TNKS: variants seen among roughly 807,000 people sequenced by gnomAD.
TNKS encodes the protein poly [ADP-ribose] polymerase tankyrase-1.
In TNKS, 72 loss-of-function variants were observed where a neutral mutation model predicts 135.8. The ratio of observed to expected loss-of-function variants is 0.53; its 90% CI spans 0.44 to 0.64. TNKS has a LOEUF of 0.64. Ranked by LOEUF, TNKS falls within the 30% of genes least tolerant of loss-of-function variation. The probability of loss-of-function intolerance (pLI) is 0.00; values close to 1 mark genes in which losing one functional copy is unlikely to be tolerated. For synonymous variants in TNKS, 849 were observed against 649.3 expected (o/e 1.31, Z -4.68); for missense variants, 1,769 against 1,674.0 (o/e 1.06, Z -0.99).
At position 9,708,386 on chromosome 8, in the gene TNKS, A is replaced by G. The variant is rs1804155804; in HGVS notation, c.1472A>G (p.His491Arg). 1 of 1,605,068 alleles carries G rather than the reference A, an allele frequency of 6.2e-7. No homozygotes were observed. Among genetic ancestry groups the G allele is most frequent in the Middle Eastern group, 1.7e-4 (1 of 5,768 alleles). Residue 491 changes from histidine (H) to arginine (R), a missense_variant, in exon 9 of 27, where the codon CAT becomes CGT. His to Arg is a conservative substitution (Grantham distance 29). Coordinates refer to ENST00000310430, the MANE Select transcript of TNKS (RefSeq NM_003747.3). ...TCATTGACAGATGAATTTAAAGGTC[A>G]TTCTTTACTACAAGCAGCCAGAGAA... ...RERLTYEFKG[H>R]SLLQAAREAD...
chr8:9,635,610 T>G (rs1179198666), intron 3 of TNKS, among the ~76,000 whole-genome samples: 1 of 152,192 alleles, frequency 6.6e-6, no homozygotes, highest in Non-Finnish European at 1.5e-5. Context: ...AATCTGACAA[T>G]ACTTTTTTTG....
At chr8:9,681,080 A>G (rs1035311523) in intron 5 of TNKS, 11 of 269,342 alleles carry the variant, frequency 4.1e-5, no homozygotes, top group Non-Finnish European at 5.5e-5. Context: ...ATTACAGCAT[A>G]TGCTCTTTTC....
At chr8:9,661,227 C>G (rs200814258) in intron 3 of TNKS, among the ~76,000 whole-genome samples, 1 of 152,018 alleles carries the variant, frequency 6.6e-6, no homozygotes, top group East Asian at 1.9e-4. Context: ...GAATTGGAAA[C>G]AACTACTTTA....
At chr8:9,700,091 T>C (rs889745500) in intron 5 of TNKS, among the ~76,000 whole-genome samples, 2 of 152,082 alleles carry the variant, frequency 1.3e-5, no homozygotes, top group Admixed American at 6.5e-5. Flanking sequence ...TTCCCTCTGC[T>C]TGCCTCTAGA....
chr8:9,770,227 G>A lies in TNKS; in HGVS notation c.3862G>A (p.Ala1288Thr), dbSNP rs760795706. The part of the protein sequence containing the change: ...VIGRPSVNGL[A>T]YAEYVIYRGE... ...TGGTAGACCGAGCGTCAATGGGCTG[G>A]CATATGCTGAATATGTCATCTACAG... The change falls in exon 26 of 27, where the codon GCA becomes ACA. Residue 1288 changes from alanine (A) to threonine (T), a missense_variant. Physicochemically the swap from Ala to Thr is moderately conservative, Grantham distance 58. This residue lies in a region of TNKS where 722 missense variants were observed against 688.9 expected (regional missense o/e 1.05). Transcript: ENST00000310430. 1 of 1,613,316 alleles carries A rather than the reference G, an allele frequency of 6.2e-7. No individual in the cohort carries two copies. The highest frequency in any genetic ancestry group is 8.5e-7 in the Non-Finnish European group (1 of 1,179,900).
intron 2 of TNKS, among the ~76,000 whole-genome samples, chr8:9,603,396 C>G (rs1799096224): frequency 6.6e-6 from 1 of 152,200 alleles, no homozygotes; most frequent in African/African-American, 2.4e-5. Flanking sequence ...TTCAGATTAT[C>G]AGTTTCTCTA....
intron 3 of TNKS, among the ~76,000 whole-genome samples, chr8:9,643,041 A>C (rs1031744113): frequency 1.4e-5 from 2 of 146,258 alleles, no homozygotes; most frequent in African/African-American, 5.1e-5. Flanking sequence ...ATAATTGAAT[A>C]TGAGAAATTA....
Position 9,779,283 on chromosome 8 carries a change from C to T in TNKS, c.*2547C>T, listed in dbSNP as rs766237625. The T allele has an allele frequency of 1.3e-5, 2 of 152,602 alleles. No homozygotes were observed. Among genetic ancestry groups the T allele is most frequent in the Non-Finnish European group, 2.9e-5 (2 of 68,026 alleles). 9.5% of individuals were successfully genotyped at this position (152,602 alleles called of 1,614,324 possible). The stretch of plus-strand genomic sequence containing the variant: ...TTTTCATCTGTAGCCGTATGAAGAA[C>T]CCTTTCCAATATAAAAGCATGGCAT... On this transcript the variant is annotated 3_prime_UTR_variant, in exon 27 of 27. Coordinates refer to ENST00000310430, the MANE Select transcript of TNKS (RefSeq NM_003747.3).
rs567276658 is a variant in TNKS at position 9,729,807 on chromosome 8, C to T, written c.2002-1083C>T. Among the ~76,000 whole-genome samples the T allele has an allele frequency of 1.1e-4, 14 of 122,924 alleles. No individual in the cohort carries two copies. The South Asian group carries it at 2.2e-3, about 19-fold the overall frequency. 80.6% of individuals were successfully genotyped at this position (122,924 alleles called of 152,430 possible). A position where few individuals can be genotyped will look rare whatever the true frequency, so the allele number is the denominator to read the frequency against. On this transcript the variant is annotated intron_variant, in intron 13 of 26. Coordinates refer to ENST00000310430, the MANE Select transcript of TNKS (RefSeq NM_003747.3). ...TTTTTTTTTTTGAGATGGGGTCTCA[C>T]TCTGTCACCAGACTAAAGTGCAGTA...
chr8:9,773,705 G>A (rs991307882), intron 26 of TNKS, among the ~76,000 whole-genome samples: 2 of 150,550 alleles, frequency 1.3e-5, no homozygotes, highest in African/African-American at 4.9e-5. Flanking sequence ...AGAGTGATTA[G>A]TACAAAACTT....
intron 3 of TNKS, among the ~76,000 whole-genome samples, chr8:9,623,025 TG>T (rs1206133122): frequency 6.6e-6 from 1 of 152,216 alleles, no homozygotes; most frequent in Admixed American, 6.5e-5. Context: ...GTTATAATGA[TG>T]AACTGTAATG....
intron 2 of TNKS, among the ~76,000 whole-genome samples, chr8:9,606,880 G>T (rs1006765510): frequency 6.6e-6 from 1 of 152,056 alleles, no homozygotes; most frequent in Middle Eastern, 3.2e-3. Flanking sequence ...TGGAGGTTTG[G>T]TTTTAAGCTT....
chr8:9,768,719 C>A (rs1386972579), intron 25 of TNKS, among the ~76,000 whole-genome samples: 1 of 152,214 alleles, frequency 6.6e-6, no homozygotes, highest in Non-Finnish European at 1.5e-5. Flanking sequence ...CAGAATCTAA[C>A]GACAACATAG....
In TNKS at chr8:9,645,311, A is replaced by T. The variant is rs531873127; in HGVS notation, c.994+29634A>T. On this transcript the variant is annotated intron_variant, in intron 3 of 26. Coordinates refer to ENST00000310430, the MANE Select transcript of TNKS (RefSeq NM_003747.3). The stretch of plus-strand genomic sequence containing the variant: ...GCTACCTATGAAGAGAAGCCCATTC[A>T]TACTGGAATGGTGTGAATTCACCAC... Among the ~76,000 whole-genome samples the T allele has an allele frequency of 7.2e-5, 11 of 152,310 alleles. No individual in the cohort carries two copies. The South Asian group carries it at 1.7e-3, about 23-fold the overall frequency.
At chr8:9,690,463 T>A (rs1803212922) in intron 5 of TNKS, among the ~76,000 whole-genome samples, 1 of 152,150 alleles carries the variant, frequency 6.6e-6, no homozygotes, top group Admixed American at 6.5e-5. Context: ...ATTCTCACTT[T>A]AAAAATAAAT....
chr8:9,556,624 T>G lies in TNKS; in HGVS notation c.673+12T>G, dbSNP rs781073781. 2 of 1,611,792 alleles carry G rather than the reference T, an allele frequency of 1.2e-6. No homozygotes were observed. Among genetic ancestry groups the G allele is most frequent in the Non-Finnish European group, 1.7e-6 (2 of 1,179,970 alleles). ...GCACTTCGCTGCAGGTCAGAGACTTTTGAATTGTTTATTAAGGGTTATGGG... is the reference window on the plus strand; with the variant it reads ...GCACTTCGCTGCAGGTCAGAGACTTGTGAATTGTTTATTAAGGGTTATGGG... On this transcript the variant is annotated intron_variant, in intron 1 of 26. Transcript: ENST00000310430.
At chr8:9,622,512 A>T (rs1799904359) in intron 3 of TNKS, among the ~76,000 whole-genome samples, 3 of 152,196 alleles carry the variant, frequency 2.0e-5, no homozygotes, top group Admixed American at 2.0e-4. Context: ...CAGAACCATC[A>T]AGGGAAATTA....
At chr8:9,716,072 A>G (rs1183385787) in intron 11 of TNKS, among the ~76,000 whole-genome samples, 1 of 152,226 alleles carries the variant, frequency 6.6e-6, no homozygotes, top group Non-Finnish European at 1.5e-5. Flanking sequence ...GCATCTGTTA[A>G]ATACGTGAAA....
chr8:9,668,955 G>GATTATT (rs141294183), intron 3 of TNKS, among the ~76,000 whole-genome samples: 1 of 151,834 alleles, frequency 6.6e-6, no homozygotes, highest in African/African-American at 2.4e-5. Context: ...ATACTATTTT[G>GATTATT]ATTATTATTA....
Sources: allele counts gnomAD v4.1 joint callset (sites outside exome capture counted in the v4.1 genomes callset), GRCh38; gene constraint gnomAD v4.1.1; regional missense constraint gnomAD v4.1.1; transcripts MANE v1.5; gene names NCBI Gene and HGNC (gene_info 2026-07-23, HGNC 2026-07-21).